The following CBLN2 variants were observed in gnomAD, a reference collection of about 807,000 sequenced individuals.
CBLN2 encodes cerebellin 2 precursor, also known as cerebellin-2.
In CBLN2, 7 loss-of-function variants were observed where a neutral mutation model predicts 15.0. That is an observed-to-expected ratio of 0.47 (90% CI 0.27 to 0.88). The LOEUF is 0.88. Among genes scored for constraint, CBLN2 ranks in the 40% least tolerant of loss-of-function variants. CBLN2 has a pLI of 0.14. For synonymous variants in CBLN2, 149 were observed against 135.2 expected (o/e 1.10, Z -0.71); for missense variants, 242 against 304.5 (o/e 0.79, Z 1.53).
intron 1 of CBLN2, among the ~76,000 whole-genome samples, chr18:72,601,324 G>A (rs1451298298): frequency 6.6e-6 from 1 of 152,102 alleles, no homozygotes; most frequent in African/African-American, 2.4e-5. Flanking sequence ...ATTTTGCAAA[G>A]GTGATTTCAA....
At chr18:72,550,222 G>A (rs906782524) in intron 1 of CBLN2, among the ~76,000 whole-genome samples, 4 of 152,178 alleles carry the variant, frequency 2.6e-5, no homozygotes, top group Non-Finnish European at 5.9e-5. Context: ...TCATGGAACT[G>A]CTATCTCATT....
At chr18:72,592,700 C>G (rs992775112) in intron 1 of CBLN2, among the ~76,000 whole-genome samples, 3 of 152,092 alleles carry the variant, frequency 2.0e-5, no homozygotes, top group Non-Finnish European at 4.4e-5. Context: ...TAGTTTCACT[C>G]TTCTGCATAC....
At chr18:72,637,066 A>G (rs561507807) in intron 1 of CBLN2, among the ~76,000 whole-genome samples, 3 of 151,116 alleles carry the variant, frequency 2.0e-5, no homozygotes, top group East Asian at 1.9e-4. Context: ...CCCAGTTGCA[A>G]TGAGAAAACA....
chr18:72,615,191 TAA>T (rs1258671246), intron 1 of CBLN2, among the ~76,000 whole-genome samples: 3 of 135,630 alleles, frequency 2.2e-5, no homozygotes, highest in Non-Finnish European at 4.7e-5. Context: ...ATATTATATA[TAA>T]ATATATATTT....
At chr18:72,563,034 T>C (rs896302870) in intron 1 of CBLN2, among the ~76,000 whole-genome samples, 3 of 152,248 alleles carry the variant, frequency 2.0e-5, no homozygotes, top group African/African-American at 7.2e-5. Flanking sequence ...AAGTCTCTCA[T>C]TAAAATCAGC....
intron 1 of CBLN2, among the ~76,000 whole-genome samples, chr18:72,597,163 A>C (rs185711674): frequency 1.1e-4 from 17 of 152,320 alleles, no homozygotes; most frequent in African/African-American, 3.4e-4. Flanking sequence ...GTCGGCACCC[A>C]TCCTTCTTAG....
chr18:72,573,768 T>C (rs746760986), intron 1 of CBLN2, among the ~76,000 whole-genome samples: 1 of 152,208 alleles, frequency 6.6e-6, no homozygotes, highest in Non-Finnish European at 1.5e-5. Flanking sequence ...GTGAAGGTTT[T>C]CATGTAGATC....
intron 1 of CBLN2, among the ~76,000 whole-genome samples, chr18:72,559,561 T>C (rs915602955): frequency 3.9e-5 from 6 of 152,168 alleles, no homozygotes; most frequent in African/African-American, 1.4e-4. Flanking sequence ...CACAGCGGAG[T>C]ATGAAATGAA....
At chr18:72,574,525 T>G (rs1281123995) in intron 1 of CBLN2, among the ~76,000 whole-genome samples, 1 of 152,120 alleles carries the variant, frequency 6.6e-6, no homozygotes, top group Admixed American at 6.5e-5. Flanking sequence ...CTGAAGGATA[T>G]CCTTGTGTAT....
intron 1 of CBLN2, among the ~76,000 whole-genome samples, chr18:72,559,902 C>T (rs968637823): frequency 6.6e-6 from 1 of 152,196 alleles, no homozygotes; most frequent in African/African-American, 2.4e-5. Context: ...TTGTAGTCAG[C>T]TGCAAGGCAA....
chr18:72,601,109 C>T (rs1284273459), intron 1 of CBLN2, among the ~76,000 whole-genome samples: 2 of 152,154 alleles, frequency 1.3e-5, no homozygotes, highest in East Asian at 1.9e-4. Context: ...TTCTCATAAT[C>T]CGAACCTTGT....
intron 1 of CBLN2, among the ~76,000 whole-genome samples, chr18:72,619,758 G>A (rs555919433): frequency 4.6e-5 from 7 of 152,236 alleles, no homozygotes; most frequent in African/African-American, 1.7e-4. Flanking sequence ...AAATATGTTT[G>A]TTGTCCCTAG....
At chr18:72,632,832 C>G (rs942708026) in intron 1 of CBLN2, among the ~76,000 whole-genome samples, 1 of 152,170 alleles carries the variant, frequency 6.6e-6, no homozygotes, top group African/African-American at 2.4e-5. Flanking sequence ...TCCAGAGAAC[C>G]CCCAAAGAGC....
chr18:72,545,765 T>A (rs2069153469), upstream of CBLN2, among the ~76,000 whole-genome samples: 1 of 152,158 alleles, frequency 6.6e-6, no homozygotes, highest in Admixed American at 6.5e-5. Flanking sequence ...GGATGCTAAT[T>A]TATAGCAATA....
intron 1 of CBLN2, among the ~76,000 whole-genome samples, chr18:72,587,512 A>C (rs1186374584): frequency 1.5e-5 from 2 of 135,228 alleles, no homozygotes; most frequent in Admixed American, 7.2e-5. Flanking sequence ...AGTAGGTTTT[A>C]AAAAAAGACT....
chr18:72,545,073 C>T (rs550953659), upstream of CBLN2, among the ~76,000 whole-genome samples: 2 of 152,214 alleles, frequency 1.3e-5, no homozygotes, highest in Admixed American at 1.3e-4. Flanking sequence ...GAACCCTCTC[C>T]CCTTTGAAGA....
At chr18:72,560,966 G>A (rs935330744) in intron 1 of CBLN2, among the ~76,000 whole-genome samples, 10 of 152,070 alleles carry the variant, frequency 6.6e-5, no homozygotes, top group Admixed American at 1.3e-4. Flanking sequence ...CCAAGATCTC[G>A]CCACCGTACT....
At chr18:72,581,508 AT>A (rs2069404702) in intron 1 of CBLN2, among the ~76,000 whole-genome samples, 1 of 152,176 alleles carries the variant, frequency 6.6e-6, no homozygotes, top group Admixed American at 6.5e-5. Context: ...TATACTGACC[AT>A]TTAAATCATT....
At chr18:72,625,856 CAT>C (rs1262963650) in intron 1 of CBLN2, among the ~76,000 whole-genome samples, 1 of 141,944 alleles carries the variant, frequency 7.0e-6, no homozygotes, top group Admixed American at 7.1e-5. Flanking sequence ...TACACACACA[CAT>C]ATACTCTTGT....
Sources: allele counts gnomAD v4.1 joint callset (sites outside exome capture counted in the v4.1 genomes callset), GRCh38; gene constraint gnomAD v4.1.1; transcripts MANE v1.5; gene names NCBI Gene and HGNC (gene_info 2026-07-23, HGNC 2026-07-21).